KCNIP4: variants seen among roughly 807,000 people sequenced by gnomAD.
KCNIP4 encodes potassium voltage-gated channel interacting protein 4.
Under a neutral mutation model 34.0 loss-of-function variants are expected in KCNIP4, and 12 were observed. The ratio of observed to expected loss-of-function variants is 0.35; its 90% CI spans 0.23 to 0.57. The LOEUF is 0.57. Among genes scored for constraint, KCNIP4 ranks in the 20% least tolerant of loss-of-function variants. The pLI is 0.83. For missense variants in KCNIP4, 238 were observed against 311.7 expected, an observed-to-expected ratio of 0.76 and a Z score of 1.78; for synonymous variants, 124 against 102.2, an observed-to-expected ratio of 1.21 and a Z score of -1.29.
At chr4:21,644,621 G>A (rs895105875) in intron 1 of KCNIP4, among the ~76,000 whole-genome samples, 7 of 152,070 alleles carry the variant, frequency 4.6e-5, no homozygotes, top group African/African-American at 1.7e-4. Flanking sequence ...TTTAGTCAAC[G>A]CCTGGGTTTA....
intron 1 of KCNIP4, among the ~76,000 whole-genome samples, chr4:21,119,664 T>C (rs1749983243): frequency 2.6e-5 from 4 of 151,872 alleles, no homozygotes; most frequent in Admixed American, 2.6e-4. Flanking sequence ...TCATAGAAAT[T>C]GGGTTCTTTG....
intron 1 of KCNIP4, among the ~76,000 whole-genome samples, chr4:21,289,686 G>C (rs1471996568): frequency 6.6e-6 from 1 of 152,108 alleles, no homozygotes; most frequent in Non-Finnish European, 1.5e-5. Context: ...TCTGTGTACT[G>C]CTTGAAACCT....
intron 1 of KCNIP4, among the ~76,000 whole-genome samples, chr4:21,234,077 CATATAACGTATATTATATATAACATAT>C (rs1759044865): frequency 1.5e-5 from 1 of 67,434 alleles, no homozygotes; most frequent in Admixed American, 1.8e-4. Flanking sequence ...CATAACATAA[CATATAACGTATATTATATATAACATAT>C]ATAACGTATA....
chr4:21,417,719 C>A (rs1360258359), intron 1 of KCNIP4, among the ~76,000 whole-genome samples: 2 of 152,028 alleles, frequency 1.3e-5, no homozygotes, highest in Non-Finnish European at 2.9e-5. Context: ...GATTTTTCTC[C>A]CTTTGTGGGG....
chr4:20,994,443 A>T (rs1404068219), intron 1 of KCNIP4, among the ~76,000 whole-genome samples: 1 of 152,236 alleles, frequency 6.6e-6, no homozygotes, highest in Non-Finnish European at 1.5e-5. Context: ...GGGCAGCTTT[A>T]ATTAGCATTC....
intron 1 of KCNIP4, among the ~76,000 whole-genome samples, chr4:21,388,411 G>T (rs1443500652): frequency 6.6e-6 from 1 of 151,940 alleles, no homozygotes; most frequent in Non-Finnish European, 1.5e-5. Context: ...CAATGAGTAA[G>T]TGAGATAATT....
chr4:21,529,862 C>T (rs908899461), intron 1 of KCNIP4, among the ~76,000 whole-genome samples: 1 of 152,134 alleles, frequency 6.6e-6, no homozygotes, highest in Non-Finnish European at 1.5e-5. Flanking sequence ...GTCTTGAAAA[C>T]TTAAGCTTTG....
At chr4:21,013,781 G>T (rs1242198118) in intron 1 of KCNIP4, among the ~76,000 whole-genome samples, 1 of 152,144 alleles carries the variant, frequency 6.6e-6, no homozygotes, top group Non-Finnish European at 1.5e-5. Flanking sequence ...GTGACTCAAT[G>T]AACAGAGACC....
intron 1 of KCNIP4, among the ~76,000 whole-genome samples, chr4:21,809,067 G>A (rs1428827876): frequency 1.3e-5 from 2 of 152,182 alleles, no homozygotes; most frequent in South Asian, 2.1e-4. Context: ...ACTGGGCTGT[G>A]GGATACCCAA....
intron 1 of KCNIP4, among the ~76,000 whole-genome samples, chr4:21,341,655 G>A (rs943513992): frequency 6.6e-6 from 1 of 152,040 alleles, no homozygotes; most frequent in African/African-American, 2.4e-5. Context: ...TCTCCTTCTT[G>A]AAACACTTAA....
chr4:21,048,371 C>T (rs943384848), intron 1 of KCNIP4, among the ~76,000 whole-genome samples: 1 of 152,116 alleles, frequency 6.6e-6, no homozygotes, highest in Non-Finnish European at 1.5e-5. Context: ...ACGTGCATCA[C>T]TTTTGTTCAC....
intron 3 of KCNIP4, among the ~76,000 whole-genome samples, chr4:20,778,490 CTG>C (rs954145523): frequency 4.6e-5 from 7 of 152,100 alleles, no homozygotes; most frequent in African/African-American, 1.7e-4. Context: ...ACAAGGAAAA[CTG>C]GGGAAATCTG....
chr4:21,900,454 GAGA>G (rs1727642338), intron 1 of KCNIP4, among the ~76,000 whole-genome samples: 1 of 152,162 alleles, frequency 6.6e-6, no homozygotes, highest in African/African-American at 2.4e-5. Context: ...CTTTAGCCAA[GAGA>G]AAGGTCCTTC....
In KCNIP4 at chr4:21,018,733, G is replaced by A. The variant is rs185920966; in HGVS notation, c.62-136024C>T. 1.9e-3 allele frequency among the ~76,000 whole-genome samples: 289 copies of A among 152,024 alleles called. 6 individuals carry two copies. In the South Asian group the frequency reaches 0.053, roughly 28 times the overall value. ...TCTTTCTCTCCTCATTTTTTTGGAG[G>A]GATTTTTTCTTAATAAAGTCCCTGT... On this transcript the variant is annotated intron_variant, in intron 1 of 8. Coordinates refer to ENST00000382152, the MANE Select transcript of KCNIP4 (RefSeq NM_025221.6).
intron 2 of KCNIP4, among the ~76,000 whole-genome samples, chr4:20,880,031 T>C (rs1724499354): frequency 6.6e-6 from 1 of 152,222 alleles, no homozygotes; most frequent in Non-Finnish European, 1.5e-5. Flanking sequence ...TGTAGTATTA[T>C]GCTTGCCATT....
At chr4:21,911,064 G>A (rs1349974127) in intron 1 of KCNIP4, among the ~76,000 whole-genome samples, 1 of 151,974 alleles carries the variant, frequency 6.6e-6, no homozygotes, top group East Asian at 1.9e-4. Flanking sequence ...TGAGTTGACA[G>A]CCTCAACTAA....
At chr4:21,132,228 G>T (rs1751123226) in intron 1 of KCNIP4, among the ~76,000 whole-genome samples, 1 of 152,214 alleles carries the variant, frequency 6.6e-6, no homozygotes, top group Non-Finnish European at 1.5e-5. Context: ...AGAACAGCCT[G>T]TTTCTGTTTA....
intron 3 of KCNIP4, among the ~76,000 whole-genome samples, chr4:20,843,010 G>C (rs992761727): frequency 6.6e-6 from 1 of 151,808 alleles, no homozygotes; most frequent in Non-Finnish European, 1.5e-5. Context: ...CAGGCTCAAG[G>C]GATTCTTGTG....
At chr4:21,667,785 G>A (rs749923670) in intron 1 of KCNIP4, among the ~76,000 whole-genome samples, 2 of 152,218 alleles carry the variant, frequency 1.3e-5, no homozygotes, top group African/African-American at 2.4e-5. Context: ...TTAATGAATT[G>A]TATTGAATGC....
Sources: allele counts gnomAD v4.1 joint callset (sites outside exome capture counted in the v4.1 genomes callset), GRCh38; gene constraint gnomAD v4.1.1; transcripts MANE v1.5; gene names NCBI Gene and HGNC (gene_info 2026-07-23, HGNC 2026-07-21).